LAYN: variants seen among roughly 807,000 people sequenced by gnomAD.
The protein encoded by LAYN is layilin.
LAYN carries 38 observed loss-of-function variants against 43.6 expected under a neutral mutation model. That is an observed-to-expected ratio of 0.87 (90% CI 0.67 to 1.14). The LOEUF is 1.14. LAYN is among the 50% of genes most tolerant of loss of function. LAYN has a pLI of 0.00. For missense variants in LAYN, 479 were observed against 463.8 expected (o/e 1.03, Z -0.30); for synonymous variants, 168 against 172.9 (o/e 0.97, Z 0.22).
At chr11:111,553,977 C>G (rs1451241734) in intron 3 of LAYN, among the ~76,000 whole-genome samples, 2 of 152,172 alleles carry the variant, frequency 1.3e-5, no homozygotes, top group Non-Finnish European at 2.9e-5. Flanking sequence ...TCTGTACAAC[C>G]TGATATTCTC....
At chr11:111,551,608 C>A (rs1286697223) in intron 3 of LAYN, among the ~76,000 whole-genome samples, 1 of 152,194 alleles carries the variant, frequency 6.6e-6, no homozygotes. Context: ...TATTCCAACA[C>A]CTTTGTACCA....
rs756974432 is a variant in LAYN, at chr11:111,560,485, C to G, written c.*27C>G. 1.9e-6 allele frequency: 3 copies of G among 1,580,298 alleles called. No homozygotes were observed. Among genetic ancestry groups the G allele is most frequent in the Non-Finnish European group, 2.6e-6 (3 of 1,164,538 alleles). On this transcript the variant is annotated 3_prime_UTR_variant, in exon 7 of 7. Transcript: ENST00000375614. ...ACATATAAAAAACTGAAACTGACAACAATGGAAAAGAAATGATAAGCAAAA... is the reference window on the plus strand; with the variant it reads ...ACATATAAAAAACTGAAACTGACAAGAATGGAAAAGAAATGATAAGCAAAA...
chr11:111,543,862 G>A (rs1020159687), intron 1 of LAYN, 61 bp from the exon 2 acceptor site: 32 of 1,508,390 alleles, frequency 2.1e-5, no homozygotes, highest in South Asian at 4.0e-5. Context: ...ATGCCTCCAC[G>A]TATCCCTGCC....
chr11:111,554,770 C>T (rs755178540), intron 4 of LAYN, among the ~76,000 whole-genome samples, 177 bp downstream of exon 4: 2 of 152,190 alleles, frequency 1.3e-5, no homozygotes, highest in Non-Finnish European at 2.9e-5. Flanking sequence ...TTAGTCATCT[C>T]ATTTTCTAGT....
chr11:111,559,006 G>A (rs1248676392), intron 6 of LAYN, among the ~76,000 whole-genome samples: 2 of 151,694 alleles, frequency 1.3e-5, no homozygotes, highest in African/African-American at 4.8e-5. Flanking sequence ...GGCTGGTCTC[G>A]AACTCCTGAC....
intron 1 of LAYN, among the ~76,000 whole-genome samples, chr11:111,542,626 T>G (rs1361637976): frequency 1.3e-5 from 2 of 152,232 alleles, no homozygotes; most frequent in African/African-American, 4.8e-5. Flanking sequence ...CCAGAAGTTC[T>G]GGGAGGAGGT....
chr11:111,556,297 A>G (rs912224465), intron 5 of LAYN, among the ~76,000 whole-genome samples: 1 of 152,156 alleles, frequency 6.6e-6, no homozygotes, highest in Non-Finnish European at 1.5e-5. Flanking sequence ...GCATCCTGGC[A>G]CATCAGTGTG....
In LAYN at chr11:111,543,936, C is replaced by G; in HGVS notation, c.99C>G (p.Cys33Trp). ...TTTTTTCTCTAGGGCAGCCAGTCTG[C>G]CGGGGAGGGACACAGAGGCCTTGTT... ...TGRLLSGQPV[C>W]RGGTQRPCYK... is the part of the protein sequence containing the mutation. Residue 33 changes from cysteine (C) to tryptophan (W), a missense_variant, in exon 2 of 7, where the codon TGC becomes TGG. Transcript: ENST00000375614. 1.2e-6 allele frequency: 2 copies of G among 1,611,332 alleles called. No homozygotes were observed. Among genetic ancestry groups the G allele is most frequent in the Non-Finnish European group, 1.7e-6 (2 of 1,178,946 alleles).
At chr11:111,540,608 G>C, upstream of LAYN, 1 of 500,074 alleles carries the variant, frequency 2.0e-6, no homozygotes, top group Non-Finnish European at 3.5e-6. Flanking sequence ...CGCCAACCTC[G>C]CTGGAGGAGG....
At chr11:111,559,454 A>ATTATT (rs560930155) in intron 6 of LAYN, among the ~76,000 whole-genome samples, 49 of 151,150 alleles carry the variant, frequency 3.2e-4, no homozygotes, top group Admixed American at 1.2e-3. Flanking sequence ...ATTTTATTTT[A>ATTATT]TTATTTTATT....
At chr11:111,541,183 G>C (rs1240756839) in intron 1 of LAYN, 12 of 592,936 alleles carry the variant, frequency 2.0e-5, no homozygotes, top group Non-Finnish European at 3.6e-5. Context: ...CCAGAGTTAT[G>C]GGGGTGGGTT....
rs1201497221 is a variant in LAYN at position 111,540,886 on chromosome 11, C to T, written c.43C>T (p.Leu15=). 3.3e-6 allele frequency: 5 copies of T among 1,532,456 alleles called. No homozygotes were observed. The highest frequency in any genetic ancestry group is 4.4e-6 in the Non-Finnish European group (5 of 1,145,724). 94.9% of individuals were successfully genotyped at this position (1,532,456 alleles called of 1,614,324 possible). Reference sequence around the variant, plus strand: ...GCTACAGGCCGTGCTGCTGGCCGTGCTGCTGGTGGGGCTGCGGGCCGCGAC... The same window carrying T: ...GCTACAGGCCGTGCTGCTGGCCGTGTTGCTGGTGGGGCTGCGGGCCGCGAC... ...TALQAVLLAV[L]LVGLRAATGR... The change falls in exon 1 of 7, where the codon CTG becomes TTG. Residue 15 remains leucine (L), a synonymous_variant. Transcript: ENST00000375614.
chr11:111,551,933 G>A (rs1346636148), intron 3 of LAYN, among the ~76,000 whole-genome samples: 1 of 151,962 alleles, frequency 6.6e-6, no homozygotes. Context: ...TGTAAATATG[G>A]ACAAAAATCT....
chr11:111,556,552 G>C (rs1867848006), intron 5 of LAYN, among the ~76,000 whole-genome samples: 1 of 152,138 alleles, frequency 6.6e-6, no homozygotes, highest in Admixed American at 6.5e-5. Flanking sequence ...AGAGTCCAAG[G>C]ATTTAGAGCC....
intron 2 of LAYN, among the ~76,000 whole-genome samples, chr11:111,545,074 A>ATATATATATATATATATATATATATTT (rs1170875315): frequency 6.7e-6 from 1 of 148,390 alleles, no homozygotes; most frequent in African/African-American, 2.5e-5. Context: ...ATATATATAT[A>ATATATATATATATATATATATATATTT]TTTTTTACCT....
chr11:111,541,504 C>T, intron 1 of LAYN: 1 of 1,487,272 alleles, frequency 6.7e-7, no homozygotes, highest in Admixed American at 2.0e-5. Flanking sequence ...GTGGGACGAG[C>T]CCCACCTGAC....
intron 1 of LAYN, among the ~76,000 whole-genome samples, chr11:111,542,331 T>C (rs919731551): frequency 1.3e-5 from 2 of 152,200 alleles, no homozygotes; most frequent in African/African-American, 4.8e-5. Context: ...TTCTCTATTA[T>C]CAGCAATAGC....
chr11:111,555,063 A>G, intron 4 of LAYN, 144 bp from the exon 5 acceptor site: 3 of 623,276 alleles, frequency 4.8e-6, no homozygotes, highest in Non-Finnish European at 8.6e-6. Context: ...CAGCAAATTC[A>G]ACCCTTTACT....
intron 1 of LAYN, among the ~76,000 whole-genome samples, chr11:111,543,581 A>C (rs1472071961): frequency 1.3e-5 from 2 of 152,172 alleles, no homozygotes; most frequent in African/African-American, 4.8e-5. Context: ...GAGACTCCCT[A>C]ATGAAAGTGT....
Sources: gnomAD v4.1 joint callset for allele counts (sites outside exome capture counted in the v4.1 genomes callset) on GRCh38, gnomAD v4.1.1 for gene constraint, MANE v1.5 for transcripts, NCBI Gene and HGNC (gene_info 2026-07-23, HGNC 2026-07-21) for gene names.